Variants in RAI14 observed in about 807,000 individuals in gnomAD.
The protein encoded by RAI14 is retinoic acid induced 14.
RAI14 carries 45 observed loss-of-function variants against 115.4 expected under a neutral mutation model. The observed-to-expected ratio is 0.39, with a 90% CI of 0.31 to 0.50. The LOEUF (loss-of-function observed/expected upper bound fraction) is 0.50, where lower values mean the gene tolerates loss of function less well. RAI14 is among the 20% of genes least tolerant of loss of function. The pLI, the probability that RAI14 is intolerant of heterozygous loss-of-function variation, is 0.85. For synonymous variants in RAI14, 371 were observed against 415.4 expected, an observed-to-expected ratio of 0.89 and a Z score of 1.30; for missense variants, 939 against 1,131.2, an observed-to-expected ratio of 0.83 and a Z score of 2.44.
At chr5:34,674,513 A>T (rs1743832871) in intron 1 of RAI14, among the ~76,000 whole-genome samples, 1 of 151,534 alleles carries the variant, frequency 6.6e-6, no homozygotes, top group African/African-American at 2.4e-5. Flanking sequence ...TCTCTTACTC[A>T]CTCTAAAGAT....
intron 3 of RAI14, among the ~76,000 whole-genome samples, chr5:34,759,670 G>A (rs1748370836): frequency 6.6e-6 from 1 of 152,154 alleles, no homozygotes; most frequent in African/African-American, 2.4e-5. Flanking sequence ...ACAGTGAGTT[G>A]TATAATTATT....
chr5:34,819,552 T>C (rs946858785), intron 13 of RAI14, among the ~76,000 whole-genome samples: 1 of 152,238 alleles, frequency 6.6e-6, no homozygotes, highest in African/African-American at 2.4e-5. Context: ...TTTATGATCA[T>C]AGGGTTTAAT....
chr5:34,808,419 A>G (rs72732804), intron 6 of RAI14, among the ~76,000 whole-genome samples, 165 bp from the exon 7 acceptor site: 4 of 152,380 alleles, frequency 2.6e-5, no homozygotes, highest in Non-Finnish European at 5.9e-5. Flanking sequence ...AGTAATTTTA[A>G]ACACCTCACT....
At chr5:34,685,497 A>G (rs947647180) in intron 1 of RAI14, among the ~76,000 whole-genome samples, 2 of 152,148 alleles carry the variant, frequency 1.3e-5, no homozygotes, top group African/African-American at 4.8e-5. Flanking sequence ...TATTGGTTGC[A>G]TTAAAATCTC....
chr5:34,779,121 A>G (rs1054659492), intron 3 of RAI14, among the ~76,000 whole-genome samples: 1 of 152,176 alleles, frequency 6.6e-6, no homozygotes, highest in Non-Finnish European at 1.5e-5. Context: ...AAGGACAAAA[A>G]CCACATGATT....
At chr5:34,718,347 A>C (rs954643189) in intron 2 of RAI14, among the ~76,000 whole-genome samples, 1 of 152,266 alleles carries the variant, frequency 6.6e-6, no homozygotes, top group African/African-American at 2.4e-5. Flanking sequence ...ATTTTTAAAC[A>C]TGAGAAACCT....
At chr5:34,799,279 G>C (rs1294731057) in intron 4 of RAI14, among the ~76,000 whole-genome samples, 1 of 152,158 alleles carries the variant, frequency 6.6e-6, no homozygotes, top group Non-Finnish European at 1.5e-5. Context: ...GTCATCACTA[G>C]TCCTAAACGT....
intron 10 of RAI14, among the ~76,000 whole-genome samples, chr5:34,812,715 A>C (rs1315872750): frequency 6.6e-6 from 1 of 152,212 alleles, no homozygotes; most frequent in African/African-American, 2.4e-5. Context: ...TTATTTCAAA[A>C]GCATGTAACT....
chr5:34,663,011 CAGGTGT>C (rs1229804194), intron 1 of RAI14, among the ~76,000 whole-genome samples: 2 of 152,090 alleles, frequency 1.3e-5, no homozygotes, highest in Non-Finnish European at 2.9e-5. Context: ...GCTGGGATTA[CAGGTGT>C]GAGCCACCAT....
intron 2 of RAI14, among the ~76,000 whole-genome samples, chr5:34,745,964 C>T (rs966216266): frequency 2.0e-5 from 3 of 152,108 alleles, no homozygotes; most frequent in Admixed American, 6.6e-5. Context: ...TCCTCTTCCT[C>T]TTTACTATTT....
chr5:34,821,961 T>G, intron 14 of RAI14, 111 bp downstream of exon 14: 1 of 568,472 alleles, frequency 1.8e-6, no homozygotes, highest in Non-Finnish European at 3.1e-6. Context: ...TTTTTAAATA[T>G]TAGCTTTAAG....
In RAI14 at chr5:34,709,129, CAAAAA is replaced by C. The variant is rs35361351; in HGVS notation, c.36+22192_36+22196del. ...TAGGCAACAAAGTGAGACCCTATCT[CAAAAA>C]AAAAAAAAAAAAAAAAATTCATTCA... On this transcript the variant is annotated intron_variant, in intron 2 of 17. Coordinates refer to ENST00000265109, the MANE Select transcript of RAI14 (RefSeq NM_015577.3). 2.7e-4 allele frequency among the ~76,000 whole-genome samples: 26 copies of C among 96,032 alleles called. No homozygotes were observed. The East Asian group carries it at 8.1e-3, about 30-fold the overall frequency. The allele number at this position is 96,032 out of a possible 152,430, so 63.0% of individuals were successfully genotyped here. A position where few individuals can be genotyped will look rare whatever the true frequency, so the allele number is the denominator to read the frequency against.
At chr5:34,803,886 T>TC in intron 5 of RAI14, 110 bp downstream of exon 5, 1 of 924,460 alleles carries the variant, frequency 1.1e-6, no homozygotes, top group Admixed American at 2.4e-5. Context: ...TTAAATACTG[T>TC]CCCCAAACCT....
rs560499347 is a variant in RAI14, at chr5:34,658,749, G to C, written c.-49+2274G>C. Among the ~76,000 whole-genome samples the C allele has an allele frequency of 1.0e-3, 158 of 152,214 alleles. 2 individuals carry two copies. The highest frequency in any genetic ancestry group is 3.7e-3 in the African/African-American group (152 of 41,542). On this transcript the variant is annotated intron_variant, in intron 1 of 17. Transcript: ENST00000265109. The stretch of plus-strand genomic sequence containing the variant: ...GGAGGTGGAGGTTGCAGTGAGCTGG[G>C]ATTGCGCCACTGCACTCCAACCTGG...
intron 2 of RAI14, among the ~76,000 whole-genome samples, chr5:34,699,485 T>A (rs1739766278): frequency 6.6e-6 from 1 of 152,218 alleles, no homozygotes; most frequent in Non-Finnish European, 1.5e-5. Context: ...CTCATCTTTG[T>A]ATAGCGTTTT....
intron 3 of RAI14, among the ~76,000 whole-genome samples, chr5:34,795,673 C>T (rs1025502978): frequency 6.6e-6 from 1 of 151,996 alleles, no homozygotes; most frequent in African/African-American, 2.4e-5. Context: ...TTACTTTTTT[C>T]AAGCCTGGTC....
At chr5:34,787,101 C>T (rs891856571) in intron 3 of RAI14, among the ~76,000 whole-genome samples, 6 of 152,202 alleles carry the variant, frequency 3.9e-5, no homozygotes, top group Admixed American at 3.3e-4. Context: ...TCCTTACCCT[C>T]ATTCCGGTAA....
intron 2 of RAI14, among the ~76,000 whole-genome samples, chr5:34,708,219 T>TTTTA (rs1740950994): frequency 6.6e-6 from 1 of 151,800 alleles, no homozygotes; most frequent in Non-Finnish European, 1.5e-5. Flanking sequence ...TTTTTTTTTT[T>TTTTA]GAGACCGAGT....
chr5:34,807,934 A>C lies in RAI14; in HGVS notation c.379+77A>C. On this transcript the variant is annotated intron_variant, in intron 6 of 17. Transcript: ENST00000265109. ...TTCTTTTTCCTTATTCAGGCCATTAACCTTCCATACTATTCCTGGTGCTCT... is the reference window on the plus strand; with the variant it reads ...TTCTTTTTCCTTATTCAGGCCATTACCCTTCCATACTATTCCTGGTGCTCT... 6 of 1,077,296 alleles carry C rather than the reference A, an allele frequency of 5.6e-6. No homozygotes were observed. The South Asian group carries it at 7.5e-5, about 13-fold the overall frequency. 66.7% of individuals were successfully genotyped at this position (1,077,296 alleles called of 1,614,324 possible).
Sources: allele counts gnomAD v4.1 joint callset (sites outside exome capture counted in the v4.1 genomes callset), GRCh38; gene constraint gnomAD v4.1.1; transcripts MANE v1.5; gene names NCBI Gene and HGNC (gene_info 2026-07-23, HGNC 2026-07-21).